Variants in COL7A1 observed in about 807,000 individuals in gnomAD.
COL7A1 encodes collagen alpha-1(VII) chain.
Under a neutral mutation model 456.2 loss-of-function variants are expected in COL7A1, and 296 were observed. The observed-to-expected ratio is 0.65, with a 90% CI of 0.59 to 0.71. The LOEUF (loss-of-function observed/expected upper bound fraction) is 0.71, where lower values mean the gene tolerates loss of function less well. COL7A1 is among the 30% of genes least tolerant of loss of function. The pLI is 0.00. For synonymous variants in COL7A1, 1,464 were observed against 1,525.9 expected, an observed-to-expected ratio of 0.96 and a Z score of 0.95; for missense variants, 3,441 against 4,017.2, an observed-to-expected ratio of 0.86 and a Z score of 3.88.
At position 48,591,613 on chromosome 3, in the gene COL7A1, G is replaced by C. The variant is rs756182340; in HGVS notation, c.1508-21C>G. Reference sequence around the variant, plus strand: ...TGGTCCTGTTGGAGAGCACAGCATAGAGGCAGCCTGGGGCTCCGACACCTC... The same window carrying C: ...TGGTCCTGTTGGAGAGCACAGCATACAGGCAGCCTGGGGCTCCGACACCTC... On this transcript the variant is annotated intron_variant, in intron 12 of 118. Transcript: ENST00000681320. This position sits in a 1 kb window ranked among gnomAD's most constrained non-coding sequence, Gnocchi z 7.0. The C allele has an allele frequency of 1.5e-5, 25 of 1,613,492 alleles. No homozygotes were observed. In the South Asian group the frequency reaches 2.6e-4, roughly 17 times the overall value.
Position 48,579,112 on chromosome 3 carries a change from A to G in COL7A1, c.5388+85T>C, listed in dbSNP as rs1053701345. The G allele has an allele frequency of 1.1e-5, 18 of 1,575,354 alleles. No homozygotes were observed. The highest frequency in any genetic ancestry group is 1.6e-5 in the Non-Finnish European group (18 of 1,147,832). Reference sequence around the variant, plus strand: ...CTCGCCCCAGAGCTCGTCAAGGCCAAGACCAACCAATGAGGCTGGGGTCTA... The same window carrying G: ...CTCGCCCCAGAGCTCGTCAAGGCCAGGACCAACCAATGAGGCTGGGGTCTA... On this transcript the variant is annotated intron_variant, in intron 62 of 118. Coordinates refer to ENST00000681320, the MANE Select transcript of COL7A1 (RefSeq NM_000094.4). The surrounding 1 kb of genome is among the most constrained non-coding windows in gnomAD (Gnocchi z 4.4).
rs1285181112 is a variant in COL7A1 at position 48,573,543 on chromosome 3, A to G, written c.6588T>C (p.Pro2196=). 1.2e-6 allele frequency: 2 copies of G among 1,614,118 alleles called. No homozygotes were observed. The highest frequency in any genetic ancestry group is 1.3e-5 in the African/African-American group (1 of 75,036). Residue 2196 remains proline, a synonymous_variant, in exon 83 of 119, where the codon CCT becomes CCC. Transcript: ENST00000681320. This position sits in a 1 kb window ranked among gnomAD's most constrained non-coding sequence, Gnocchi z 5.5. ...GGCCAGAAGGTCCTTGGGGTCCTGC[A>G]GGGCCAGCAAGACCCTAGAGAAAAG... ...GPPGAPGLAG[P]AGPQGPSGLK... is the part of the protein sequence containing the mutation.
rs747912732 is a variant in COL7A1 at position 48,585,068 on chromosome 3, T to TC, written c.3942dup (p.Asn1315GlufsTer45). The TC allele has an allele frequency of 9.9e-6, 16 of 1,612,310 alleles. No homozygotes were observed. Among genetic ancestry groups the TC allele is most frequent in the Non-Finnish European group, 8.5e-7 (1 of 1,179,856 alleles). On this transcript the variant is annotated frameshift_variant, in exon 33 of 119. Transcript: ENST00000681320. LOFTEE classifies it high-confidence loss of function. This position sits in a 1 kb window ranked among gnomAD's most constrained non-coding sequence, Gnocchi z 4.5. ...CCAGGGGCTCCAGGGGTCCCAGGAT[T>TC]CCCGGCGCGGCCAGGGCTGCCTGGA...
Position 48,583,757 on chromosome 3 carries a change from G to A in COL7A1, c.4302C>T (p.Pro1434=), listed in dbSNP as rs748579122. 1.2e-6 allele frequency: 2 copies of A among 1,613,960 alleles called. No homozygotes were observed. Among genetic ancestry groups the A allele is most frequent in the Non-Finnish European group, 1.7e-6 (2 of 1,179,974 alleles). ...GLPGLPGSPG[P]QGPVGPPGKK... ...TTCCAGGGGGGCCAACGGGGCCTTG[G>A]GGTCCAGGGCTTCCGGGAAGACCCT... The change falls in exon 40 of 119, where the codon CCC becomes CCT. Residue 1434 remains proline (P), a synonymous_variant. Coordinates refer to ENST00000681320, the MANE Select transcript of COL7A1 (RefSeq NM_000094.4). This position sits in a 1 kb window ranked among gnomAD's most constrained non-coding sequence, Gnocchi z 5.1.
chr3:48,567,457 C>A lies in COL7A1; in HGVS notation c.8046+117G>T. Reference sequence around the variant, plus strand: ...CACCTCGAGACCAGCCCCACTTCAGCCCCCAAAGTCCCAACCCTCTACAGC... The same window carrying A: ...CACCTCGAGACCAGCCCCACTTCAGACCCCAAAGTCCCAACCCTCTACAGC... On this transcript the variant is annotated intron_variant, in intron 109 of 118. Coordinates refer to ENST00000681320, the MANE Select transcript of COL7A1 (RefSeq NM_000094.4). This position sits in a 1 kb window ranked among gnomAD's most constrained non-coding sequence, Gnocchi z 4.3. The A allele has an allele frequency of 7.0e-7, 1 of 1,430,050 alleles. No individual in the cohort carries two copies. Among genetic ancestry groups the A allele is most frequent in the Non-Finnish European group, 9.8e-7 (1 of 1,016,572 alleles). The allele number at this position is 1,430,050 out of a possible 1,614,324, so 88.6% of individuals were successfully genotyped here.
Position 48,576,236 on chromosome 3 carries a change from A to C in COL7A1, c.5820+13T>G, listed in dbSNP as rs377321753. On this transcript the variant is annotated intron_variant, in intron 71 of 118. Coordinates refer to ENST00000681320, the MANE Select transcript of COL7A1 (RefSeq NM_000094.4). ...CAAAACAGAGTCAAGGGGACATCCC[A>C]AGCCTGGCTCACCGGCACACTTCCA... 1.9e-6 allele frequency: 3 copies of C among 1,613,390 alleles called. No individual in the cohort carries two copies. In the South Asian group the frequency reaches 3.3e-5, roughly 18 times the overall value.
In COL7A1 at chr3:48,565,070, GC is replaced by G; in HGVS notation, c.8620+38del. The G allele has an allele frequency of 6.4e-7, 1 of 1,563,946 alleles. No individual in the cohort carries two copies. The highest frequency in any genetic ancestry group is 8.6e-7 in the Non-Finnish European group (1 of 1,160,426). On this transcript the variant is annotated intron_variant, in intron 117 of 118. Coordinates refer to ENST00000681320, the MANE Select transcript of COL7A1 (RefSeq NM_000094.4). This position sits in a 1 kb window ranked among gnomAD's most constrained non-coding sequence, Gnocchi z 4.5. ...AGGTCAGCAGGGCTCAGCCCTGCCTGCCCCTCCCCAGACCCCGCTGGCAGCC... is the reference window on the plus strand; with the variant it reads ...AGGTCAGCAGGGCTCAGCCCTGCCTGCCCTCCCCAGACCCCGCTGGCAGCC...
In COL7A1 at chr3:48,564,413, T is replaced by C; in HGVS notation, c.8828A>G (p.Gln2943Arg). The stretch of plus-strand genomic sequence containing the variant: ...CAGCTCATTATCTGGGCCTCAGTCC[T>C]GGGCAGTACCTGGTGAGGACAGGTT... ...VVQSQGTGTA[Q>R]D The change falls in exon 119 of 119, where the codon CAG becomes CGG. Residue 2943 changes from glutamine to arginine, a missense_variant. Physicochemically the swap from Gln to Arg is conservative, Grantham distance 43 (BLOSUM62 1). Transcript: ENST00000681320. This position sits in a 1 kb window ranked among gnomAD's most constrained non-coding sequence, Gnocchi z 6.0. 1 of 1,614,136 alleles carries C rather than the reference T, an allele frequency of 6.2e-7. No homozygotes were observed. Among genetic ancestry groups the C allele is most frequent in the Non-Finnish European group, 8.5e-7 (1 of 1,179,990 alleles).
Position 48,568,121 on chromosome 3 carries a change from T to A in COL7A1, c.7844A>T (p.Asp2615Val). 1.2e-6 allele frequency: 2 copies of A among 1,614,080 alleles called. No individual in the cohort carries two copies. Among genetic ancestry groups the A allele is most frequent in the Non-Finnish European group, 1.7e-6 (2 of 1,180,036 alleles). The change falls in exon 106 of 119, where the codon GAT becomes GTT. Residue 2615 changes from aspartate (D) to valine (V), a missense_variant. By Grantham distance (152) the Asp-to-Val change is radical. Transcript: ENST00000681320. This position sits in a 1 kb window ranked among gnomAD's most constrained non-coding sequence, Gnocchi z 5.2. Reference protein sequence around the residue: ...GVPGIRGEKGDVGFMGPRGLK... With the variant: ...GVPGIRGEKGVVGFMGPRGLK... The stretch of plus-strand genomic sequence containing the variant: ...GCCCCGGGGACCCATGAAGCCAACA[T>A]CTCCTTTTTCTCCTCGGATACCAGG...
chr3:48,572,570 TC>T lies in COL7A1; in HGVS notation c.6901-33del. The T allele has an allele frequency of 6.4e-7, 1 of 1,573,104 alleles. No individual in the cohort carries two copies. Among genetic ancestry groups the T allele is most frequent in the South Asian group, 1.1e-5 (1 of 90,048 alleles). On this transcript the variant is annotated intron_variant, in intron 88 of 118. Transcript: ENST00000681320. This position sits in a 1 kb window ranked among gnomAD's most constrained non-coding sequence, Gnocchi z 4.6. ...GGAATGCTAGTGAGTTTCCTCCTCC[TC>T]CCCCGCCCCCACCCTGCCACCCCCA...
chr3:48,568,861 G>A lies in COL7A1; in HGVS notation c.7687-6C>T, dbSNP rs200429526. ...CCAGGCTCTCCCTTGCTGCCCTGTG[G>A]GAGTGACCAGGAGAGGGATTCAGTC... On this transcript the variant is annotated splice_region_variant and splice_polypyrimidine_tract_variant and intron_variant, in intron 103 of 118. Transcript: ENST00000681320. The surrounding 1 kb of genome is among the most constrained non-coding windows in gnomAD (Gnocchi z 5.2). The A allele has an allele frequency of 2.9e-4, 462 of 1,570,282 alleles. 3 individuals are homozygous for A. In the East Asian group the frequency reaches 9.0e-3, roughly 30 times the overall value.
In COL7A1 at chr3:48,578,620, C is replaced by A. The variant is rs1201524132; in HGVS notation, c.5425-105G>T. ...AAAAGATCTCCCTCCAGGGTAGAGA[C>A]CCCCAGGACTGAGAGGTCCCATTGA... is the stretch of plus-strand genomic sequence containing the variant. On this transcript the variant is annotated intron_variant, in intron 63 of 118. Transcript: ENST00000681320. The surrounding 1 kb of genome is among the most constrained non-coding windows in gnomAD (Gnocchi z 4.7). The A allele has an allele frequency of 1.5e-6, 2 of 1,314,886 alleles. No homozygotes were observed. The highest frequency in any genetic ancestry group is 4.8e-5 in the East Asian group (2 of 41,324). 81.5% of individuals were successfully genotyped at this position (1,314,886 alleles called of 1,614,324 possible). A position where few individuals can be genotyped will look rare whatever the true frequency, so the allele number is the denominator to read the frequency against.
At position 48,584,943 on chromosome 3, in the gene COL7A1, GC is replaced by G; in HGVS notation, c.3977del (p.Gly1326AlafsTer73). On this transcript the variant is annotated frameshift_variant and splice_region_variant, in exon 34 of 119. Coordinates refer to ENST00000681320, the MANE Select transcript of COL7A1 (RefSeq NM_000094.4). LOFTEE classifies it high-confidence loss of function. Reference sequence around the variant, plus strand: ...CACGAGGGCCAGGCAACCCTGGAGAGCCCTGCAAATGGAGGCCAGAGGCAGA... The same window carrying G: ...CACGAGGGCCAGGCAACCCTGGAGAGCCTGCAAATGGAGGCCAGAGGCAGA... ...PGTPGAPGLK[G>X]SPGLPGPRGD... 1.2e-6 allele frequency: 2 copies of G among 1,613,944 alleles called. No individual in the cohort carries two copies. The highest frequency in any genetic ancestry group is 1.7e-6 in the Non-Finnish European group (2 of 1,180,016).
chr3:48,583,004 T>C lies in COL7A1; in HGVS notation c.4518+9A>G. On this transcript the variant is annotated intron_variant, in intron 44 of 118. Transcript: ENST00000681320. The surrounding 1 kb of genome is among the most constrained non-coding windows in gnomAD (Gnocchi z 5.1). ...CAGCTGGTATGAGCATTGCAGCCAG[T>C]GGGTTTACCCGGGATCCCGCTGGGC... 2.5e-6 allele frequency: 4 copies of C among 1,614,024 alleles called. No homozygotes were observed. The highest frequency in any genetic ancestry group is 3.4e-6 in the Non-Finnish European group (4 of 1,179,968).
In COL7A1 at chr3:48,567,673, C is replaced by T. The variant is rs1334717726; in HGVS notation, c.7983+37G>A. 1 of 1,614,098 alleles carries T rather than the reference C, an allele frequency of 6.2e-7. No individual in the cohort carries two copies. Among genetic ancestry groups the T allele is most frequent in the South Asian group, 1.1e-5 (1 of 91,082 alleles). On this transcript the variant is annotated intron_variant, in intron 108 of 118. Transcript: ENST00000681320. This position sits in a 1 kb window ranked among gnomAD's most constrained non-coding sequence, Gnocchi z 4.3. ...AAGACATGAACTTGGCCCCCGTCCA[C>T]CCGTGGCCCCCTCATTCTGAGCGTG...
rs1195466047 is a variant in COL7A1, at chr3:48,565,479, C to T, written c.8458G>A (p.Ala2820Thr). 2.5e-6 allele frequency: 4 copies of T among 1,613,506 alleles called. No individual in the cohort carries two copies. The highest frequency in any genetic ancestry group is 3.4e-6 in the Non-Finnish European group (4 of 1,179,680). ...AGCTGGGAGCCGGCAGTGTCTGCAG[C>T]ATAACTAGGGAGGGGTCCTGGAGCC... Reference protein sequence around the residue: ...ASGSRPLPSYAADTAGSQLHA... With the variant: ...ASGSRPLPSYTADTAGSQLHA... The change falls in exon 116 of 119, where the codon GCT becomes ACT. Residue 2820 changes from alanine (A) to threonine (T), a missense_variant. Ala to Thr is a moderately conservative substitution (Grantham distance 58). Around this residue, in one of 3 missense-constraint regions of COL7A1, gnomAD observed 2,084 missense variants for 2,501.3 expected, o/e 0.83. Coordinates refer to ENST00000681320, the MANE Select transcript of COL7A1 (RefSeq NM_000094.4). The surrounding 1 kb of genome is among the most constrained non-coding windows in gnomAD (Gnocchi z 4.5).
Position 48,586,083 on chromosome 3 carries a change from G to A in COL7A1, c.3714C>T (p.Phe1238=), listed in dbSNP as rs1380863838. The change falls in exon 28 of 119, where the codon TTC becomes TTT. Residue 1238 remains phenylalanine, a synonymous_variant. Transcript: ENST00000681320. This position sits in a 1 kb window ranked among gnomAD's most constrained non-coding sequence, Gnocchi z 5.1. The part of the protein sequence containing the change: ...GLATALCQAS[F]TTQPRPEPCP... ...GAGGCCTCTTCCAAACCTGAGTAGT[G>A]AAGGATGCCTGACACAGGGCTGTGG... is the stretch of plus-strand genomic sequence containing the variant. 9.3e-6 allele frequency: 15 copies of A among 1,613,472 alleles called. No homozygotes were observed. Among genetic ancestry groups the A allele is most frequent in the African/African-American group, 5.3e-5 (4 of 74,932 alleles).
rs74453879 is a variant in COL7A1 at position 48,594,545 on chromosome 3, G to A, written c.89C>T (p.Thr30Ile). 2.6e-3 allele frequency: 4,081 copies of A among 1,593,022 alleles called. 82 individuals are homozygous for A. In the African/African-American group the frequency reaches 0.047, roughly 18 times the overall value. Residue 30 changes from threonine to isoleucine, a missense_variant, in exon 3 of 119, where the codon ACC (threonine) becomes ATC (isoleucine). Around this residue, in one of 3 missense-constraint regions of COL7A1, gnomAD observed 913 missense variants for 1,088.2 expected, o/e 0.84. Transcript: ENST00000681320. This position sits in a 1 kb window ranked among gnomAD's most constrained non-coding sequence, Gnocchi z 5.5. Reference sequence around the variant, plus strand: ...GTCAGCGGCGTAAAGGCGCGTGCAGGTCACTGGGGCGGGCAGGAGAGATCA... The same window carrying A: ...GTCAGCGGCGTAAAGGCGCGTGCAGATCACTGGGGCGGGCAGGAGAGATCA... ...RVRAQHRERV[T>I]CTRLYAADIV...
rs139905484 is a variant in COL7A1, at chr3:48,580,649, C to G, written c.4984G>C (p.Ala1662Pro). The G allele has an allele frequency of 1.2e-6, 2 of 1,613,720 alleles. No individual in the cohort carries two copies. Among genetic ancestry groups the G allele is most frequent in the Non-Finnish European group, 1.7e-6 (2 of 1,179,908 alleles). ...GKAGERGLRG[A>P]PGVRGPVGEK... ...CCCACAGGCCCCCGAACTCCAGGTG[C>G]CCCCTAAGAAGAGCAGCTGGCCTGA... Residue 1662 changes from alanine (A) to proline (P), a missense_variant, in exon 55 of 119, where the codon GCA becomes CCA. Physicochemically the swap from Ala to Pro is conservative, Grantham distance 27 (BLOSUM62 -1). Coordinates refer to ENST00000681320, the MANE Select transcript of COL7A1 (RefSeq NM_000094.4). This position sits in a 1 kb window ranked among gnomAD's most constrained non-coding sequence, Gnocchi z 4.5.
Sources: allele counts gnomAD v4.1 joint callset, GRCh38; gene constraint gnomAD v4.1.1; regional missense constraint gnomAD v4.1.1; non-coding constraint Gnocchi (gnomAD v3.1); transcripts MANE v1.5; gene names NCBI Gene and HGNC (gene_info 2026-07-23, HGNC 2026-07-21).